ADAMTS17: variants seen among roughly 807,000 people sequenced by gnomAD.
ADAMTS17 encodes A disintegrin and metalloproteinase with thrombospondin motifs 17.
A neutral mutation model predicts 141.5 loss-of-function variants in ADAMTS17; 113 were observed. That is an observed-to-expected ratio of 0.80 (90% CI 0.69 to 0.93). The LOEUF (loss-of-function observed/expected upper bound fraction) is 0.93. Among genes scored for constraint, ADAMTS17 ranks in the 40% least tolerant of loss-of-function variants. The pLI is 0.00. For synonymous variants in ADAMTS17, 768 were observed against 630.6 expected (o/e 1.22, Z -3.27); for missense variants, 1,659 against 1,517.9 (o/e 1.09, Z -1.54).
intron 18 of ADAMTS17, among the ~76,000 whole-genome samples, chr15:100,010,088 G>A (rs28650230): frequency 1.8e-4 from 28 of 152,282 alleles, no homozygotes; most frequent in Admixed American, 1.5e-3. Context: ...GCAGTTCCCC[G>A]GCACATGCCT....
At chr15:100,083,884 G>T (rs1358631987) in intron 15 of ADAMTS17, among the ~76,000 whole-genome samples, 1 of 151,764 alleles carries the variant, frequency 6.6e-6, no homozygotes, top group East Asian at 1.9e-4. Context: ...GACCAAATAG[G>T]AACAGCTCCA....
Position 99,977,393 on chromosome 15 carries a change from TA to T in ADAMTS17, c.2950-1172del, listed in dbSNP as rs1567632515. On this transcript the variant is annotated intron_variant, in intron 20 of 21. Coordinates refer to ENST00000268070, the MANE Select transcript of ADAMTS17 (RefSeq NM_139057.4). ...ATATATATATATATATATATATATA[TA>T]TATATAATTTTTTTTTTTTTTTTTT... Among the ~76,000 whole-genome samples the T allele has an allele frequency of 5.1e-3, 45 of 8,776 alleles. 2 individuals carry two copies. Among genetic ancestry groups the T allele is most frequent in the Non-Finnish European group, 9.0e-3 (36 of 4,016 alleles). 5.8% of individuals were successfully genotyped at this position (8,776 alleles called of 152,430 possible). A position where few individuals can be genotyped will look rare whatever the true frequency, so the allele number is the denominator to read the frequency against.
chr15:99,998,436 C>T lies in ADAMTS17; in HGVS notation c.2592-847G>A, dbSNP rs188023280. 1.1e-3 allele frequency among the ~76,000 whole-genome samples: 174 copies of T among 152,288 alleles called. 1 individual carries two copies. The highest frequency in any genetic ancestry group is 3.8e-3 in the African/African-American group (158 of 41,570). On this transcript the variant is annotated intron_variant, in intron 18 of 21. Coordinates refer to ENST00000268070, the MANE Select transcript of ADAMTS17 (RefSeq NM_139057.4). ...TGGCCAACATGGTGAAACCCCGTCT[C>T]TACTAAAAATACACAAAATTATCCA...
intron 8 of ADAMTS17, among the ~76,000 whole-genome samples, chr15:100,184,987 T>C (rs943268237): frequency 4.6e-5 from 7 of 152,220 alleles, no homozygotes; most frequent in Non-Finnish European, 7.3e-5. Context: ...GACATGCTCC[T>C]CAGTGACCAT....
chr15:100,065,837 C>A (rs1382789766), intron 15 of ADAMTS17, among the ~76,000 whole-genome samples: 2 of 152,210 alleles, frequency 1.3e-5, no homozygotes, highest in African/African-American at 4.8e-5. Flanking sequence ...GCCCTGCATG[C>A]ATTAGGTATT....
At chr15:100,220,334 G>C (rs967749734) in intron 7 of ADAMTS17, among the ~76,000 whole-genome samples, 1 of 152,008 alleles carries the variant, frequency 6.6e-6, no homozygotes, top group Non-Finnish European at 1.5e-5. Context: ...GGGTGGCAGC[G>C]GAAGCATATG....
At chr15:100,170,451 A>C (rs1337957673) in intron 8 of ADAMTS17, among the ~76,000 whole-genome samples, 2 of 152,300 alleles carry the variant, frequency 1.3e-5, no homozygotes, top group African/African-American at 2.4e-5. Context: ...TGCTGGGCTG[A>C]AATCAGCCTT....
At chr15:100,138,964 A>G (rs979536332) in intron 10 of ADAMTS17, among the ~76,000 whole-genome samples, 3 of 152,228 alleles carry the variant, frequency 2.0e-5, no homozygotes, top group African/African-American at 7.2e-5. Context: ...TTTCCCGGTA[A>G]TAGGGGAAGA....
intron 12 of ADAMTS17, among the ~76,000 whole-genome samples, chr15:100,127,487 G>C (rs11247154): frequency 6.6e-6 from 1 of 152,024 alleles, no homozygotes; most frequent in South Asian, 2.1e-4. Context: ...TTGGACTTCT[G>C]GTTTCTAGAA....
intron 15 of ADAMTS17, among the ~76,000 whole-genome samples, chr15:100,075,551 C>A (rs1304336982): frequency 1.3e-5 from 2 of 152,138 alleles, no homozygotes; most frequent in Non-Finnish European, 2.9e-5. Flanking sequence ...CTGGTTACTG[C>A]CCTATTATTA....
intron 10 of ADAMTS17, among the ~76,000 whole-genome samples, chr15:100,151,428 C>A (rs568946414): frequency 6.6e-6 from 1 of 152,328 alleles, no homozygotes; most frequent in South Asian, 2.1e-4. Flanking sequence ...CATCTGTCTC[C>A]AGGAGTCTGG....
At chr15:100,286,185 G>A (rs1197884863) in intron 3 of ADAMTS17, among the ~76,000 whole-genome samples, 4 of 152,068 alleles carry the variant, frequency 2.6e-5, no homozygotes, top group Non-Finnish European at 4.4e-5. Context: ...TGCTTTGCCG[G>A]CACACACGTA....
chr15:100,133,278 CCTT>C lies in ADAMTS17; in HGVS notation c.1508_1510del (p.Glu503del). 1.3e-6 allele frequency: 2 copies of C among 1,597,632 alleles called. No homozygotes were observed. The highest frequency in any genetic ancestry group is 2.2e-5 in the East Asian group (1 of 44,682). On this transcript the variant is annotated inframe_deletion, in exon 11 of 22. Coordinates refer to ENST00000268070, the MANE Select transcript of ADAMTS17 (RefSeq NM_139057.4). ...CAGCTTGGTCTTGCAGGATGTGTCT[CCTT>C]CTACCAGGCACCACAGTCCAGCACA...
rs1176129095 is a variant in ADAMTS17, at chr15:100,152,631, G to T, written c.1454C>A (p.Thr485Asn). 1.9e-6 allele frequency: 3 copies of T among 1,613,940 alleles called. No homozygotes were observed. Among genetic ancestry groups the T allele is most frequent in the Non-Finnish European group, 2.5e-6 (3 of 1,180,040 alleles). Reference protein sequence around the residue: ...QCQILFGMNATFCRNMEHLMC... With the variant: ...QCQILFGMNANFCRNMEHLMC... The stretch of plus-strand genomic sequence containing the variant: ...GCTTACCTCCATGTTTCTGCAGAAG[G>T]TGGCATTCATGCCAAACAGGATCTG... Residue 485 changes from threonine (T) to asparagine (N), a missense_variant, in exon 10 of 22, where the codon ACC (threonine) becomes AAC (asparagine). Transcript: ENST00000268070.
At chr15:100,168,979 G>A (rs1348522880) in intron 8 of ADAMTS17, among the ~76,000 whole-genome samples, 1 of 152,248 alleles carries the variant, frequency 6.6e-6, no homozygotes, top group Non-Finnish European at 1.5e-5. Flanking sequence ...AATGGCAGAT[G>A]TGTTGGGCAT....
chr15:100,172,810 G>C (rs2040209355), intron 8 of ADAMTS17, among the ~76,000 whole-genome samples: 1 of 152,316 alleles, frequency 6.6e-6, no homozygotes, highest in Middle Eastern at 3.4e-3. Context: ...CAACTGCGAG[G>C]AGCACCCTTT....
chr15:100,053,518 A>C (rs777578116), intron 16 of ADAMTS17, among the ~76,000 whole-genome samples: 14 of 152,202 alleles, frequency 9.2e-5, no homozygotes, highest in Non-Finnish European at 1.9e-4. Context: ...GTGCAGGCAG[A>C]TCTATGCATC....
Position 100,162,013 on chromosome 15 carries a change from C to T in ADAMTS17, c.1182-6693G>A, listed in dbSNP as rs780503899. ...AGCTGTACTTCAAATGCACATAGTACCATGTCAGTAAGAATCATCCTAAAA... is the reference window on the plus strand; with the variant it reads ...AGCTGTACTTCAAATGCACATAGTATCATGTCAGTAAGAATCATCCTAAAA... On this transcript the variant is annotated intron_variant, in intron 8 of 21. Coordinates refer to ENST00000268070, the MANE Select transcript of ADAMTS17 (RefSeq NM_139057.4). Among the ~76,000 whole-genome samples the T allele has an allele frequency of 3.8e-4, 58 of 152,166 alleles. 1 individual carries two copies. The highest frequency in any genetic ancestry group is 8.8e-5 in the Non-Finnish European group (6 of 68,022).
rs879384077 is a variant in ADAMTS17, at chr15:100,299,513, G to GA, written c.617-18113dup. On this transcript the variant is annotated intron_variant, in intron 3 of 21. Transcript: ENST00000268070. Reference sequence around the variant, plus strand: ...TTTTACCTTCTAAATTGATGGAAAAGAAAAAAAAAAAAAAAGAACATTCCC... The same window carrying GA: ...TTTTACCTTCTAAATTGATGGAAAAGAAAAAAAAAAAAAAAAGAACATTCCC... Among the ~76,000 whole-genome samples the GA allele has an allele frequency of 4.2e-3, 364 of 87,560 alleles. 2 individuals carry two copies. The highest frequency in any genetic ancestry group is 0.01 in the African/African-American group (232 of 22,416). The allele number at this position is 87,560 out of a possible 152,430, so 57.4% of individuals were successfully genotyped here. A position where few individuals can be genotyped will look rare whatever the true frequency, so the allele number is the denominator to read the frequency against.
Sources: allele counts gnomAD v4.1 joint callset (sites outside exome capture counted in the v4.1 genomes callset), GRCh38; gene constraint gnomAD v4.1.1; transcripts MANE v1.5; gene names NCBI Gene and HGNC (gene_info 2026-07-23, HGNC 2026-07-21).